Variants in SETBP1 observed in about 807,000 individuals in gnomAD.
SETBP1 encodes SET binding protein 1, also known as SET-binding protein.
A neutral mutation model predicts 101.0 loss-of-function variants in SETBP1; 9 were observed. The ratio of observed to expected loss-of-function variants is 0.09; its 90% CI spans 0.05 to 0.16. The LOEUF (loss-of-function observed/expected upper bound fraction) is 0.16, where lower values mean the gene tolerates loss of function less well. Among genes scored for constraint, SETBP1 ranks in the 10% least tolerant of loss-of-function variants. The pLI is 1.00. For synonymous variants in SETBP1, 818 were observed against 788.5 expected (o/e 1.04, Z -0.63); for missense variants, 1,858 against 2,033.8 (o/e 0.91, Z 1.66).
intron 2 of SETBP1, among the ~76,000 whole-genome samples, chr18:44,734,703 C>G (rs1464881722): frequency 6.6e-6 from 1 of 152,132 alleles, no homozygotes; most frequent in African/African-American, 2.4e-5. Context: ...CCTTCCTTAC[C>G]TCTAAACTTC....
chr18:45,043,899 C>T (rs1264275281), intron 5 of SETBP1, among the ~76,000 whole-genome samples: 2 of 152,222 alleles, frequency 1.3e-5, no homozygotes, highest in African/African-American at 4.8e-5. Context: ...AAATTGCTTT[C>T]AGCTCCCAAA....
intron 2 of SETBP1, among the ~76,000 whole-genome samples, chr18:44,778,289 G>C (rs2071048564): frequency 6.6e-6 from 1 of 152,140 alleles, no homozygotes; most frequent in Non-Finnish European, 1.5e-5. Context: ...TCAGCCTAGG[G>C]GGGCCTATTC....
chr18:44,949,284 G>A (rs1487735533), intron 3 of SETBP1, among the ~76,000 whole-genome samples: 2 of 152,174 alleles, frequency 1.3e-5, no homozygotes, highest in Non-Finnish European at 2.9e-5. Context: ...TGGTTACAGT[G>A]GTTCCTGATG....
chr18:45,046,258 G>T (rs776371563), intron 5 of SETBP1, among the ~76,000 whole-genome samples: 1 of 152,280 alleles, frequency 6.6e-6, no homozygotes, highest in Middle Eastern at 3.4e-3. Context: ...CTGCACAAAC[G>T]TGTTTGGTTC....
chr18:44,792,082 G>A (rs1453842155), intron 2 of SETBP1, among the ~76,000 whole-genome samples: 1 of 152,086 alleles, frequency 6.6e-6, no homozygotes, highest in Non-Finnish European at 1.5e-5. Context: ...TGGGCTTTGG[G>A]TGAGGATTAG....
intron 4 of SETBP1, among the ~76,000 whole-genome samples, chr18:45,030,605 C>A: frequency 6.6e-6 from 1 of 150,380 alleles, no homozygotes; most frequent in Non-Finnish European, 1.5e-5. Flanking sequence ...CCTCCTTGTA[C>A]CTCCGGTGGA....
chr18:44,788,909 C>T (rs1418644683), intron 2 of SETBP1, among the ~76,000 whole-genome samples: 2 of 149,958 alleles, frequency 1.3e-5, no homozygotes, highest in Non-Finnish European at 3.0e-5. Flanking sequence ...GTGATCCTCC[C>T]ATCTCAGCCT....
At chr18:44,867,229 A>C (rs1336832300) in intron 2 of SETBP1, among the ~76,000 whole-genome samples, 1 of 152,248 alleles carries the variant, frequency 6.6e-6, no homozygotes, top group Non-Finnish European at 1.5e-5. Context: ...CACCCAGGTG[A>C]TCCTCACCGT....
intron 3 of SETBP1, among the ~76,000 whole-genome samples, chr18:44,887,572 G>A (rs1396199840): frequency 6.6e-6 from 1 of 152,148 alleles, no homozygotes; most frequent in Non-Finnish European, 1.5e-5. Flanking sequence ...AAAACAGAGG[G>A]CTTTTCTCTG....
At chr18:44,914,131 C>T (rs768751528) in intron 3 of SETBP1, among the ~76,000 whole-genome samples, 1 of 152,206 alleles carries the variant, frequency 6.6e-6, no homozygotes, top group African/African-American at 2.4e-5. Context: ...ACACGCCTTT[C>T]TTTCATACTC....
intron 3 of SETBP1, among the ~76,000 whole-genome samples, chr18:44,943,840 C>CTTTT (rs57430235): frequency 7.0e-6 from 1 of 142,628 alleles, no homozygotes; most frequent in Non-Finnish European, 1.5e-5. Context: ...CTTTTTTTTT[C>CTTTT]TTTTTTTTTT....
intron 2 of SETBP1, among the ~76,000 whole-genome samples, chr18:44,856,912 A>G (rs114097625): frequency 2.6e-4 from 40 of 152,322 alleles, no homozygotes; most frequent in African/African-American, 8.7e-4. Flanking sequence ...CTTGCTTTGT[A>G]TAGCTCCCCG....
intron 2 of SETBP1, among the ~76,000 whole-genome samples, chr18:44,860,970 A>T (rs1043652310): frequency 6.6e-6 from 1 of 152,210 alleles, no homozygotes; most frequent in African/African-American, 2.4e-5. Context: ...TCATGTATGT[A>T]GTATCCTTCT....
At chr18:45,040,746 A>G (rs2073492290) in intron 5 of SETBP1, among the ~76,000 whole-genome samples, 1 of 152,160 alleles carries the variant, frequency 6.6e-6, no homozygotes, top group African/African-American at 2.4e-5. Context: ...GTGATATTAT[A>G]CTTTCATACT....
intron 1 of SETBP1, among the ~76,000 whole-genome samples, chr18:44,685,624 A>G (rs2068824423): frequency 6.6e-6 from 1 of 152,190 alleles, no homozygotes. Flanking sequence ...AAATAAAGAT[A>G]AAGATGCTTA....
At chr18:45,015,632 A>G (rs1176938647) in intron 4 of SETBP1, among the ~76,000 whole-genome samples, 2 of 152,210 alleles carry the variant, frequency 1.3e-5, no homozygotes, top group Non-Finnish European at 2.9e-5. Flanking sequence ...TGTTTGTGAG[A>G]AGTAAGAGAA....
intron 4 of SETBP1, among the ~76,000 whole-genome samples, chr18:44,971,836 C>T (rs1327945663): frequency 2.0e-5 from 3 of 152,256 alleles, no homozygotes; most frequent in African/African-American, 7.2e-5. Flanking sequence ...TGCCTGTTCA[C>T]TCTGATGGTA....
In SETBP1 at chr18:45,065,557, A is replaced by C. The variant is rs1230000489; in HGVS notation, c.*1859A>C. ...GGGGTATCTATGTGAGTAAATTTTT[A>C]AATTCCAAGTTAATATGCTTGCAAA... On this transcript the variant is annotated 3_prime_UTR_variant, in exon 6 of 6. Coordinates refer to ENST00000649279, the MANE Select transcript of SETBP1 (RefSeq NM_015559.3). 2 of 152,240 alleles carry C rather than the reference A, an allele frequency of 1.3e-5. No homozygotes were observed. Among genetic ancestry groups the C allele is most frequent in the African/African-American group, 4.8e-5 (2 of 41,454 alleles). The allele number at this position is 152,240 out of a possible 1,614,324, so 9.4% of individuals were successfully genotyped here. A position where few individuals can be genotyped will look rare whatever the true frequency, so the allele number is the denominator to read the frequency against.
At chr18:44,817,578 G>A (rs1210041853) in intron 2 of SETBP1, among the ~76,000 whole-genome samples, 2 of 151,794 alleles carry the variant, frequency 1.3e-5, no homozygotes, top group Admixed American at 6.6e-5. Flanking sequence ...CCAGCTAATC[G>A]GGAGACTGAG....
Sources: gnomAD v4.1 joint callset for allele counts (sites outside exome capture counted in the v4.1 genomes callset) on GRCh38, gnomAD v4.1.1 for gene constraint, MANE v1.5 for transcripts, NCBI Gene and HGNC (gene_info 2026-07-23, HGNC 2026-07-21) for gene names.